ZNF143: variants seen among roughly 807,000 people sequenced by gnomAD.
ZNF143 encodes the protein SPH-binding factor.
Under a neutral mutation model 74.1 loss-of-function variants are expected in ZNF143, and 49 were observed. That is an observed-to-expected ratio of 0.66 (90% CI 0.53 to 0.84). The LOEUF is 0.84. Among genes scored for constraint, ZNF143 ranks in the 40% least tolerant of loss-of-function variants. The probability of loss-of-function intolerance (pLI) is 0.00; values close to 1 mark genes in which losing one functional copy is unlikely to be tolerated. For missense variants in ZNF143, 637 were observed against 793.4 expected (o/e 0.80, Z 2.37); for synonymous variants, 304 against 282.8 (o/e 1.07, Z -0.75).
chr11:9,489,347 CAG>C (rs1847682290), intron 7 of ZNF143, among the ~76,000 whole-genome samples: 1 of 152,182 alleles, frequency 6.6e-6, no homozygotes, highest in South Asian at 2.1e-4. Flanking sequence ...CCCCACCCCA[CAG>C]GCACACATTC....
intron 7 of ZNF143, among the ~76,000 whole-genome samples, chr11:9,494,302 TATTG>T (rs754178722): frequency 1.2e-4 from 18 of 152,268 alleles, no homozygotes; most frequent in African/African-American, 4.1e-4. Flanking sequence ...ATTTCTGTAT[TATTG>T]ATTGATTGAT....
At chr11:9,497,985 C>T (rs1848026094) in intron 10 of ZNF143, among the ~76,000 whole-genome samples, 185 bp downstream of exon 10, 1 of 152,092 alleles carries the variant, frequency 6.6e-6, no homozygotes, top group Non-Finnish European at 1.5e-5. Context: ...CACCCACCAC[C>T]ATGCCTGGCT....
chr11:9,524,045 CAA>C (rs533664056), intron 14 of ZNF143, among the ~76,000 whole-genome samples: 92 of 86,716 alleles, frequency 1.1e-3, no homozygotes, highest in East Asian at 3.2e-3. Context: ...GAGACTACCT[CAA>C]AAAAAAAAAA....
chr11:9,496,522 C>A lies in ZNF143; in HGVS notation c.841+144C>A, dbSNP rs557254693. 3 of 679,862 alleles carry A rather than the reference C, an allele frequency of 4.4e-6. No individual in the cohort carries two copies. In the Admixed American group the frequency reaches 6.8e-5, roughly 15 times the overall value. 42.1% of individuals were successfully genotyped at this position (679,862 alleles called of 1,614,324 possible). Reference sequence around the variant, plus strand: ...TTCAGTCTCTCTCATAACTGCCTTTCGTCCTGCTTGCTCCAGACCCCTCTC... The same window carrying A: ...TTCAGTCTCTCTCATAACTGCCTTTAGTCCTGCTTGCTCCAGACCCCTCTC... On this transcript the variant is annotated intron_variant, in intron 9 of 15. Transcript: ENST00000396602.
In ZNF143 at chr11:9,484,800, A is replaced by ATTTTTTTTTTTTTTTTTTT. The variant is rs1381085964; in HGVS notation, c.645+5269_645+5270insTTTTTTTTTTTTTTTTTTT. ...CGTGAGCCACCGCACCTGGCCAAAG[A>ATTTTTTTTTTTTTTTTTTT]TTTTTTTTTTTTTTTGAGACGGAGT... On this transcript the variant is annotated intron_variant, in intron 7 of 15. Coordinates refer to ENST00000396602, the MANE Select transcript of ZNF143 (RefSeq NM_003442.6). Among the ~76,000 whole-genome samples, 16 of 67,000 alleles carry ATTTTTTTTTTTTTTTTTTT rather than the reference A, an allele frequency of 2.4e-4. 5 individuals carry two copies. Among genetic ancestry groups the ATTTTTTTTTTTTTTTTTTT allele is most frequent in the South Asian group, 1.4e-3 (2 of 1,418 alleles). The allele number at this position is 67,000 out of a possible 152,430, so 44.0% of individuals were successfully genotyped here.
intron 11 of ZNF143, among the ~76,000 whole-genome samples, chr11:9,506,433 T>C (rs1458458368): frequency 6.6e-6 from 1 of 152,250 alleles, no homozygotes; most frequent in Non-Finnish European, 1.5e-5. Flanking sequence ...GAGAGATGCC[T>C]ACATTAAGTT....
chr11:9,494,581 G>A, intron 7 of ZNF143, 65 bp from the exon 8 acceptor site: 2 of 1,538,844 alleles, frequency 1.3e-6, no homozygotes, highest in Non-Finnish European at 1.8e-6. Flanking sequence ...CATGTGCTAA[G>A]ATTACTGGCA....
intron 5 of ZNF143, among the ~76,000 whole-genome samples, chr11:9,475,910 A>ATGTGTC (rs1856856536): frequency 7.3e-6 from 1 of 137,288 alleles, no homozygotes; most frequent in Non-Finnish European, 1.6e-5. Context: ...AAAAATATAT[A>ATGTGTC]TGTGTGTGTG....
chr11:9,473,835 A>G (rs146573217), intron 3 of ZNF143, 106 bp from the exon 4 acceptor site: 1 of 1,602,446 alleles, frequency 6.2e-7, no homozygotes, highest in African/African-American at 1.3e-5. Flanking sequence ...CAAGATGAAC[A>G]CGAGCTTAAG....
intron 8 of ZNF143, 61 bp from the exon 9 acceptor site, chr11:9,496,242 G>A: frequency 6.7e-7 from 1 of 1,486,374 alleles, no homozygotes. Context: ...GTTCTGTGTT[G>A]CAACCATCTT....
chr11:9,504,111 C>T (rs1016736602), intron 11 of ZNF143, among the ~76,000 whole-genome samples: 1 of 151,442 alleles, frequency 6.6e-6, no homozygotes, highest in Non-Finnish European at 1.5e-5. Context: ...CAGACACCTG[C>T]CACCACACCC....
chr11:9,473,858 T>C (rs575310243), intron 3 of ZNF143, 83 bp from the exon 4 acceptor site: 1 of 1,611,738 alleles, frequency 6.2e-7, no homozygotes, highest in East Asian at 2.2e-5. Flanking sequence ...GTGTATGTTT[T>C]TATAGTTGAT....
intron 5 of ZNF143, among the ~76,000 whole-genome samples, chr11:9,475,910 ATG>A (rs61636956): frequency 0.012 from 1,625 of 137,306 alleles, 11 homozygotes; most frequent in South Asian, 0.019. Context: ...AAAAATATAT[ATG>A]TGTGTGTGTG....
chr11:9,524,952 A>G (rs950787305), intron 14 of ZNF143, among the ~76,000 whole-genome samples: 3 of 152,218 alleles, frequency 2.0e-5, no homozygotes, highest in Non-Finnish European at 4.4e-5. Context: ...CTTAGGGGTA[A>G]TAGAATCTAG....
intron 7 of ZNF143, among the ~76,000 whole-genome samples, chr11:9,483,744 G>A (rs911791782): frequency 4.7e-5 from 7 of 149,256 alleles, no homozygotes; most frequent in Admixed American, 4.0e-4. Context: ...TTGCCCGGCC[G>A]GAATTCTTTT....
chr11:9,481,459 A>C lies in ZNF143; in HGVS notation c.645+1913A>C, dbSNP rs562876930. Among the ~76,000 whole-genome samples, 2 of 152,284 alleles carry C rather than the reference A, an allele frequency of 1.3e-5. 1 individual carries two copies. Among genetic ancestry groups the C allele is most frequent in the South Asian group, 4.1e-4 (2 of 4,828 alleles). On this transcript the variant is annotated intron_variant, in intron 7 of 15. Transcript: ENST00000396602. ...GTCAAATCCACCTAAGTCAACCTCTACTAAGATGCAAACACAGGGTAAATA... is the reference window on the plus strand; with the variant it reads ...GTCAAATCCACCTAAGTCAACCTCTCCTAAGATGCAAACACAGGGTAAATA...
chr11:9,491,525 G>A (rs1483382811), intron 7 of ZNF143, among the ~76,000 whole-genome samples: 1 of 151,916 alleles, frequency 6.6e-6, no homozygotes, highest in Admixed American at 6.6e-5. Context: ...TCTAGTCCCA[G>A]CTACTCAGGA....
At chr11:9,472,359 T>A (rs1407973767) in intron 2 of ZNF143, among the ~76,000 whole-genome samples, 1 of 152,036 alleles carries the variant, frequency 6.6e-6, no homozygotes, top group Non-Finnish European at 1.5e-5. Context: ...TTCAAGCGAT[T>A]CTTCTGCCTC....
chr11:9,524,044 TC>T (rs1331515246), intron 14 of ZNF143, among the ~76,000 whole-genome samples: 3 of 70,890 alleles, frequency 4.2e-5, no homozygotes, highest in Non-Finnish European at 8.2e-5. Flanking sequence ...CGAGACTACC[TC>T]AAAAAAAAAA....
Sources: allele counts gnomAD v4.1 joint callset (sites outside exome capture counted in the v4.1 genomes callset), GRCh38; gene constraint gnomAD v4.1.1; transcripts MANE v1.5; gene names NCBI Gene and HGNC (gene_info 2026-07-23, HGNC 2026-07-21).